The following TM9SF3 variants were observed in gnomAD, a reference collection of about 807,000 sequenced individuals.
TM9SF3 encodes transmembrane 9 superfamily member 3.
A neutral mutation model predicts 78.6 loss-of-function variants in TM9SF3; 14 were observed. The ratio of observed to expected loss-of-function variants is 0.18; its 90% confidence interval spans 0.12 to 0.28. The LOEUF (loss-of-function observed/expected upper bound fraction) is 0.28. Ranked by LOEUF, TM9SF3 falls within the 10% of genes least tolerant of loss-of-function variation. TM9SF3 has a pLI of 1.00. For synonymous variants in TM9SF3, 231 were observed against 241.7 expected (o/e 0.96, Z 0.41); for missense variants, 496 against 721.9 (o/e 0.69, Z 3.59).
intron 9 of TM9SF3, among the ~76,000 whole-genome samples, chr10:96,535,951 CAAAT>C (rs2134134030): frequency 6.6e-6 from 1 of 152,094 alleles, no homozygotes; most frequent in East Asian, 1.9e-4. Flanking sequence ...ATATATAAAA[CAAAT>C]AATATATCAT....
chr10:96,528,001 C>A, intron 12 of TM9SF3, 30 bp downstream of exon 12: 3 of 1,590,230 alleles, frequency 1.9e-6, no homozygotes, highest in Non-Finnish European at 2.6e-6. Flanking sequence ...TTATGGTTCC[C>A]CAAATTTCTA....
Position 96,521,017 on chromosome 10 carries a change from AGCAATAAT to A in TM9SF3, c.*1238_*1245del, listed in dbSNP as rs1346671721. 3 of 395,446 alleles carry A rather than the reference AGCAATAAT, an allele frequency of 7.6e-6. No homozygotes were observed. The highest frequency in any genetic ancestry group is 1.3e-5 in the Non-Finnish European group (3 of 223,336). The allele number at this position is 395,446 out of a possible 1,614,324, so 24.5% of individuals were successfully genotyped here. On this transcript the variant is annotated 3_prime_UTR_variant, in exon 15 of 15. Transcript: ENST00000371142. ...AGGAAATTTTATTTGAACATTCTAA[AGCAATAAT>A]GCTTTAGATGTTACTTAAGTGTCCC... is the stretch of plus-strand genomic sequence containing the variant.
chr10:96,555,246 A>G (rs1266092517), intron 5 of TM9SF3, among the ~76,000 whole-genome samples: 1 of 151,870 alleles, frequency 6.6e-6, no homozygotes, highest in Non-Finnish European at 1.5e-5. Context: ...TTTCCATTAT[A>G]TTCTATATTC....
intron 1 of TM9SF3, among the ~76,000 whole-genome samples, chr10:96,585,251 T>C (rs1394165413): frequency 6.6e-6 from 1 of 152,152 alleles, no homozygotes; most frequent in Admixed American, 6.5e-5. Flanking sequence ...TTTTTTTAAT[T>C]GGAAATATAT....
intron 7 of TM9SF3, 46 bp from the exon 8 acceptor site, chr10:96,548,035 A>G: frequency 3.1e-6 from 4 of 1,299,784 alleles, no homozygotes; most frequent in African/African-American, 1.5e-5. Flanking sequence ...AACAATTTAA[A>G]GAAAACATCA....
Position 96,552,928 on chromosome 10 carries a change from C to A in TM9SF3, c.792G>T (p.Met264Ile). ...AAATATAATGTAAATGTTTACTCAC[C>A]ATATCATCCATTTCTTCCTCTTTAC... ...RYSKEEEMDD[M>I]DRDLGDEYGW... is the part of the protein sequence containing the mutation. Residue 264 changes from methionine (M) to isoleucine (I), a missense_variant and splice_region_variant, in exon 6 of 15, where the codon ATG becomes ATT. By Grantham distance (10) the Met-to-Ile change is conservative. This residue lies in a region of TM9SF3 where 280 missense variants were observed against 422.6 expected (regional missense o/e 0.66). Transcript: ENST00000371142. 6.5e-7 allele frequency: 1 copy of A among 1,527,410 alleles called. No homozygotes were observed. The highest frequency in any genetic ancestry group is 8.7e-7 in the Non-Finnish European group (1 of 1,144,144). The allele number at this position is 1,527,410 out of a possible 1,614,324, so 94.6% of individuals were successfully genotyped here.
At chr10:96,578,368 A>C (rs1214437282) in intron 1 of TM9SF3, among the ~76,000 whole-genome samples, 2 of 152,244 alleles carry the variant, frequency 1.3e-5, no homozygotes, top group Non-Finnish European at 2.9e-5. Flanking sequence ...TAAATGATTA[A>C]CAAAGAAAAA....
At chr10:96,540,243 ATC>A (rs1848006104) in intron 9 of TM9SF3, among the ~76,000 whole-genome samples, 1 of 152,216 alleles carries the variant, frequency 6.6e-6, no homozygotes, top group African/African-American at 2.4e-5. Flanking sequence ...AATCAAGAAT[ATC>A]TGTCACCTTC....
chr10:96,580,243 C>T (rs535177448), intron 1 of TM9SF3, among the ~76,000 whole-genome samples: 1 of 151,528 alleles, frequency 6.6e-6, no homozygotes, highest in Admixed American at 6.6e-5. Flanking sequence ...TATTGTCTTC[C>T]TCCCCTTTTC....
intron 2 of TM9SF3, among the ~76,000 whole-genome samples, chr10:96,566,416 C>A (rs2134153720): frequency 1.3e-5 from 2 of 152,216 alleles, no homozygotes; most frequent in South Asian, 4.2e-4. Context: ...ATTTATAACT[C>A]AAGATACCCA....
intron 10 of TM9SF3, among the ~76,000 whole-genome samples, chr10:96,532,777 AC>A (rs768250048): frequency 1.2e-4 from 19 of 152,162 alleles, no homozygotes; most frequent in Admixed American, 2.0e-4. Flanking sequence ...GATTAGTAAA[AC>A]TGCAGCTTTA....
chr10:96,530,589 T>C lies in TM9SF3; in HGVS notation c.1345A>G (p.Ile449Val), dbSNP rs1396797587. The change falls in exon 11 of 15, where the codon ATT becomes GTT. Residue 449 changes from isoleucine (I) to valine (V), a missense_variant. By Grantham distance (29) the Ile-to-Val change is conservative. This residue lies in a region of TM9SF3 where 280 missense variants were observed against 422.6 expected (regional missense o/e 0.66). Transcript: ENST00000371142. Reference sequence around the variant, plus strand: ...GGTAAAATTCCACCCAGGCAAACAATAACCGCAGGCTCCATGAACCTGGAA... The same window carrying C: ...GGTAAAATTCCACCCAGGCAAACAACAACCGCAGGCTCCATGAACCTGGAA... ...EKKWFMEPAV[I>V]VCLGGILPFG... The C allele has an allele frequency of 1.9e-6, 3 of 1,612,368 alleles. No homozygotes were observed. The highest frequency in any genetic ancestry group is 2.5e-6 in the Non-Finnish European group (3 of 1,179,238).
At chr10:96,544,961 C>A (rs942689774) in intron 8 of TM9SF3, among the ~76,000 whole-genome samples, 27 of 151,170 alleles carry the variant, frequency 1.8e-4, no homozygotes, top group Non-Finnish European at 2.9e-4. Flanking sequence ...AGAAAAAAAA[C>A]CAATGTGTTT....
chr10:96,548,928 AG>A (rs1304485538), intron 7 of TM9SF3, among the ~76,000 whole-genome samples: 4 of 152,154 alleles, frequency 2.6e-5, no homozygotes, highest in Non-Finnish European at 5.9e-5. Flanking sequence ...ATGTCCCTCA[AG>A]TAAACCATTT....
chr10:96,586,644 G>C, intron 1 of TM9SF3, 90 bp downstream of exon 1: 1 of 1,099,998 alleles, frequency 9.1e-7, no homozygotes, highest in Non-Finnish European at 1.1e-6. Flanking sequence ...GCACCACCGG[G>C]CCGCCGGGCA....
At chr10:96,528,455 T>C (rs1229217326) in intron 11 of TM9SF3, among the ~76,000 whole-genome samples, 1 of 152,036 alleles carries the variant, frequency 6.6e-6, no homozygotes, top group East Asian at 1.9e-4. Context: ...AAGTATAATG[T>C]AGAAAAGAAC....
At chr10:96,561,008 T>A (rs923597972) in intron 4 of TM9SF3, 2 of 394,366 alleles carry the variant, frequency 5.1e-6, no homozygotes, top group Admixed American at 3.9e-5. Context: ...ATACTGAGTA[T>A]CATCAACAAT....
At chr10:96,585,240 GT>G (rs1319485579) in intron 1 of TM9SF3, among the ~76,000 whole-genome samples, 3 of 151,980 alleles carry the variant, frequency 2.0e-5, no homozygotes, top group South Asian at 2.1e-4. Context: ...TTTCCTAAGT[GT>G]TTTTTTAATT....
chr10:96,554,214 A>G (rs1240485575), intron 5 of TM9SF3, among the ~76,000 whole-genome samples: 1 of 152,214 alleles, frequency 6.6e-6, no homozygotes. Context: ...ATAAAACCTA[A>G]AAGTTATTGT....
Sources: gnomAD v4.1 joint callset for allele counts (sites outside exome capture counted in the v4.1 genomes callset) on GRCh38, gnomAD v4.1.1 for gene constraint, gnomAD v4.1.1 regional missense constraint, MANE v1.5 for transcripts, NCBI Gene and HGNC (gene_info 2026-07-23, HGNC 2026-07-21) for gene names.